RASGRP2: variants seen among roughly 807,000 people sequenced by gnomAD.
RASGRP2 encodes the protein RAS guanyl releasing protein 2.
A neutral mutation model predicts 71.0 loss-of-function variants in RASGRP2; 44 were observed. The ratio of observed to expected loss-of-function variants is 0.62; its 90% CI spans 0.49 to 0.80. The LOEUF (loss-of-function observed/expected upper bound fraction) is 0.80, where lower values mean the gene tolerates loss of function less well. RASGRP2 is among the 30% of genes least tolerant of loss of function. The pLI is 0.00. For synonymous variants in RASGRP2, 350 were observed against 330.7 expected, an observed-to-expected ratio of 1.06 and a Z score of -0.63; for missense variants, 663 against 813.4, an observed-to-expected ratio of 0.82 and a Z score of 2.25.
intron 8 of RASGRP2, 177 bp from the exon 9 acceptor site, chr11:64,737,211 T>A: frequency 1.4e-6 from 1 of 721,626 alleles, no homozygotes; most frequent in Non-Finnish European, 2.3e-6. Flanking sequence ...TTCATTGCCA[T>A]GAATTCAAGG....
chr11:64,729,760 A>C lies in RASGRP2; in HGVS notation c.1591+2T>G, dbSNP rs1474240444. The stretch of plus-strand genomic sequence containing the variant: ...GCAGCCCTTCCAGTCATTCCATCTC[A>C]CCTCGGCATTTGAGGCCCTGCTTGT... On this transcript the variant is annotated splice_donor_variant, in intron 14 of 16. Coordinates refer to ENST00000394432, the MANE Select transcript of RASGRP2 (RefSeq NM_001098671.2). LOFTEE classifies it high-confidence loss of function. The C allele has an allele frequency of 1.9e-6, 3 of 1,613,732 alleles. No individual in the cohort carries two copies. In the East Asian group the frequency reaches 6.7e-5, roughly 36 times the overall value.
At chr11:64,727,949 G>T (rs531881500) in intron 15 of RASGRP2, among the ~76,000 whole-genome samples, 1 of 152,274 alleles carries the variant, frequency 6.6e-6, no homozygotes, top group South Asian at 2.1e-4. Context: ...AGCACTTCTG[G>T]AAGGCTCAAT....
intron 8 of RASGRP2, among the ~76,000 whole-genome samples, chr11:64,738,912 C>T (rs1015728435): frequency 6.7e-6 from 1 of 149,296 alleles, no homozygotes; most frequent in African/African-American, 2.5e-5. Flanking sequence ...CACTTGAGCC[C>T]AGGAGTTCAA....
chr11:64,734,895 G>A (rs775517031), intron 12 of RASGRP2, among the ~76,000 whole-genome samples: 8 of 152,304 alleles, frequency 5.3e-5, no homozygotes, highest in Non-Finnish European at 7.4e-5. Context: ...AGACTCAGGT[G>A]GAGCCCCCCA....
At chr11:64,733,110 G>C (rs1173121227) in intron 12 of RASGRP2, among the ~76,000 whole-genome samples, 1 of 151,762 alleles carries the variant, frequency 6.6e-6, no homozygotes, top group Non-Finnish European at 1.5e-5. Flanking sequence ...GAGCGACAGA[G>C]TGAGACTCTG....
At chr11:64,736,387 A>T (rs2057939196) in intron 9 of RASGRP2, among the ~76,000 whole-genome samples, 2 of 151,532 alleles carry the variant, frequency 1.3e-5, no homozygotes, top group Admixed American at 6.6e-5. Flanking sequence ...CCCCAAGACC[A>T]AGTGTAAAGC....
intron 14 of RASGRP2, among the ~76,000 whole-genome samples, chr11:64,729,416 A>G (rs1337726484): frequency 2.0e-5 from 3 of 150,682 alleles, no homozygotes; most frequent in African/African-American, 4.9e-5. Context: ...GGCTCACTGC[A>G]AACCCCGCCT....
rs1460112684 is a variant in RASGRP2 at position 64,739,560 on chromosome 11, G to C, written c.696+76C>G. The C allele has an allele frequency of 6.2e-7, 1 of 1,610,050 alleles. No individual in the cohort carries two copies. The highest frequency in any genetic ancestry group is 1.3e-5 in the African/African-American group (1 of 74,840). On this transcript the variant is annotated intron_variant, in intron 7 of 16. Transcript: ENST00000394432. The surrounding 1 kb of genome is among the most constrained non-coding windows in gnomAD (Gnocchi z 4.2). ...CCAGCTTATCTAGAGAGAAGGCAGT[G>C]GGTTAGGGGAAGGGAAGGGTTGGCC...
rs745514533 is a variant in RASGRP2 at position 64,740,168 on chromosome 11, G to C, written c.372-5C>G. The C allele has an allele frequency of 5.0e-6, 8 of 1,613,882 alleles. No homozygotes were observed. The highest frequency in any genetic ancestry group is 1.3e-5 in the African/African-American group (1 of 74,870). On this transcript the variant is annotated splice_region_variant and splice_polypyrimidine_tract_variant and intron_variant, in intron 5 of 16. Coordinates refer to ENST00000394432, the MANE Select transcript of RASGRP2 (RefSeq NM_001098671.2). ...CGCTTCCACTTGTAGGTAGGGCTGGGGGGGCAGGGGTAGTGAGCCCTTTGC... is the reference window on the plus strand; with the variant it reads ...CGCTTCCACTTGTAGGTAGGGCTGGCGGGGCAGGGGTAGTGAGCCCTTTGC...
rs148216595 is a variant in RASGRP2, at chr11:64,730,209, G to A, written c.1413-15C>T. On this transcript the variant is annotated splice_polypyrimidine_tract_variant and intron_variant, in intron 12 of 16. Coordinates refer to ENST00000394432, the MANE Select transcript of RASGRP2 (RefSeq NM_001098671.2). ...TGCAGCCATCCCTGTGGGGAGTTGC[G>A]GGGGCGCTTCAGCTCGGGCCCTCCC... 15 of 1,551,460 alleles carry A rather than the reference G, an allele frequency of 9.7e-6. No homozygotes were observed. The highest frequency in any genetic ancestry group is 7.3e-5 in the East Asian group (3 of 40,920).
At position 64,740,043 on chromosome 11, in the gene RASGRP2, G is replaced by A. The variant is rs1565516305; in HGVS notation, c.492C>T (p.Tyr164=). The A allele has an allele frequency of 1.9e-6, 3 of 1,614,134 alleles. No homozygotes were observed. Among genetic ancestry groups the A allele is most frequent in the South Asian group, 2.2e-5 (2 of 91,086 alleles). ...EPMELAEHLT[Y]LEYRSFCKIL... is the part of the protein sequence containing the mutation. ...TCTTGCAGAAGGAGCGATACTCCAAGTAGGTGAGATGCTCCGCCAGCTCCA... is the reference window on the plus strand; with the variant it reads ...TCTTGCAGAAGGAGCGATACTCCAAATAGGTGAGATGCTCCGCCAGCTCCA... Residue 164 remains tyrosine (Y), a synonymous_variant, in exon 6 of 17, where the codon TAC becomes TAT. Coordinates refer to ENST00000394432, the MANE Select transcript of RASGRP2 (RefSeq NM_001098671.2).
Position 64,742,897 on chromosome 11 carries a change from G to C in RASGRP2, c.-31C>G. Reference sequence around the variant, plus strand: ...CCGGCGCGGGGTGGGCTGGGCCCAGGCTGCGCTCCGGGAGCCTCCCACCGG... The same window carrying C: ...CCGGCGCGGGGTGGGCTGGGCCCAGCCTGCGCTCCGGGAGCCTCCCACCGG... On this transcript the variant is annotated 5_prime_UTR_variant, in exon 2 of 17. Transcript: ENST00000394432. The surrounding 1 kb of genome is among the most constrained non-coding windows in gnomAD (Gnocchi z 4.7). 1.9e-6 allele frequency: 3 copies of C among 1,560,640 alleles called. No individual in the cohort carries two copies. Among genetic ancestry groups the C allele is most frequent in the Non-Finnish European group, 1.7e-6 (2 of 1,157,676 alleles).
intron 12 of RASGRP2, among the ~76,000 whole-genome samples, chr11:64,731,160 G>C (rs1352140235): frequency 6.6e-6 from 1 of 152,170 alleles, no homozygotes; most frequent in Admixed American, 6.5e-5. Context: ...TTCGAGACCA[G>C]CCTGGCCAAC....
At chr11:64,734,254 G>T (rs923126721) in intron 12 of RASGRP2, among the ~76,000 whole-genome samples, 6 of 151,712 alleles carry the variant, frequency 4.0e-5, no homozygotes, top group African/African-American at 1.5e-4. Context: ...GGAGGTTGCA[G>T]CGAGCCGAGA....
chr11:64,742,837 G>A lies in RASGRP2; in HGVS notation c.30C>T (p.Gly10=). 2 of 1,606,790 alleles carry A rather than the reference G, an allele frequency of 1.2e-6. No individual in the cohort carries two copies. Among genetic ancestry groups the A allele is most frequent in the Non-Finnish European group, 1.7e-6 (2 of 1,178,046 alleles). The change falls in exon 2 of 17, where the codon GGC becomes GGT. Residue 10 remains glycine, a synonymous_variant. Transcript: ENST00000394432. This position sits in a 1 kb window ranked among gnomAD's most constrained non-coding sequence, Gnocchi z 4.7. MAGTLDLDK[G]CTVEELLRGC... ...CGCGGAGCAGCTCCTCCACCGTGCA[G>A]CCCTTGTCCAGGTCCAGGGTGCCTG... is the stretch of plus-strand genomic sequence containing the variant.
chr11:64,742,825 C>T lies in RASGRP2; in HGVS notation c.42G>A (p.Glu14=). 1 of 1,608,214 alleles carries T rather than the reference C, an allele frequency of 6.2e-7. No individual in the cohort carries two copies. Among genetic ancestry groups the T allele is most frequent in the Non-Finnish European group, 8.5e-7 (1 of 1,178,370 alleles). ...TLDLDKGCTV[E]ELLRGCIEAF... is the part of the protein sequence containing the mutation. Reference sequence around the variant, plus strand: ...CTTCGATGCACCCGCGGAGCAGCTCCTCCACCGTGCAGCCCTTGTCCAGGT... The same window carrying T: ...CTTCGATGCACCCGCGGAGCAGCTCTTCCACCGTGCAGCCCTTGTCCAGGT... The change falls in exon 2 of 17, where the codon GAG becomes GAA. Residue 14 remains glutamate (E), a synonymous_variant. Transcript: ENST00000394432. The surrounding 1 kb of genome is among the most constrained non-coding windows in gnomAD (Gnocchi z 4.7).
In RASGRP2 at chr11:64,740,560, A is replaced by G. The variant is rs573559743; in HGVS notation, c.371+388T>C. 458 of 655,028 alleles carry G rather than the reference A, an allele frequency of 7.0e-4. 2 individuals carry two copies. The highest frequency in any genetic ancestry group is 6.8e-3 in the South Asian group (445 of 65,822). 40.6% of individuals were successfully genotyped at this position (655,028 alleles called of 1,614,324 possible). ...GCCATGGAAAACAGAGGTGGGAACGACAAATTCTACCCCGGAAGAGCCCCG... is the reference window on the plus strand; with the variant it reads ...GCCATGGAAAACAGAGGTGGGAACGGCAAATTCTACCCCGGAAGAGCCCCG... On this transcript the variant is annotated intron_variant, in intron 5 of 16. Transcript: ENST00000394432.
rs759811539 is a variant in RASGRP2, at chr11:64,728,852, C to T, written c.1771+11G>A. ...CCCTCCACAGGCCAGTACAGAATGA[C>T]TCCCTCTTACCTGGAGGCCTGGAGC... On this transcript the variant is annotated intron_variant, in intron 15 of 16. Transcript: ENST00000394432. 5 of 1,603,034 alleles carry T rather than the reference C, an allele frequency of 3.1e-6. No homozygotes were observed. The African/African-American group carries it at 6.7e-5, about 21-fold the overall frequency.
At chr11:64,738,038 C>T (rs1274558689) in intron 8 of RASGRP2, among the ~76,000 whole-genome samples, 1 of 151,684 alleles carries the variant, frequency 6.6e-6, no homozygotes, top group Non-Finnish European at 1.5e-5. Flanking sequence ...AGACAGACTC[C>T]ATCTCAAAAA....
Sources: allele counts gnomAD v4.1 joint callset (sites outside exome capture counted in the v4.1 genomes callset), GRCh38; gene constraint gnomAD v4.1.1; non-coding constraint Gnocchi (gnomAD v3.1); transcripts MANE v1.5; gene names NCBI Gene and HGNC (gene_info 2026-07-23, HGNC 2026-07-21).